The following KDM3A variants were observed in gnomAD, a reference collection of about 807,000 sequenced individuals.
The protein encoded by KDM3A is lysine demethylase 3A, also known as lysine-specific demethylase 3A.
In KDM3A, 60 loss-of-function variants were observed where a neutral mutation model predicts 158.0. The observed-to-expected ratio is 0.38, with a 90% CI of 0.31 to 0.47. The LOEUF (loss-of-function observed/expected upper bound fraction) is 0.47. Ranked by LOEUF, KDM3A falls within the 20% of genes least tolerant of loss-of-function variation. The pLI, the probability that KDM3A is intolerant of heterozygous loss-of-function variation, is 0.99. For synonymous variants in KDM3A, 608 were observed against 549.3 expected, an observed-to-expected ratio of 1.11 and a Z score of -1.49; for missense variants, 1,319 against 1,574.3, an observed-to-expected ratio of 0.84 and a Z score of 2.74.
intron 9 of KDM3A, among the ~76,000 whole-genome samples, chr2:86,465,504 C>T (rs1023724796): frequency 6.6e-6 from 1 of 152,044 alleles, no homozygotes; most frequent in Admixed American, 6.6e-5. Context: ...AACTCCTGGG[C>T]TCAATTGATC....
intron 25 of KDM3A, chr2:86,491,545 G>GA (rs2104720250): frequency 4.5e-6 from 2 of 440,658 alleles, no homozygotes; most frequent in Non-Finnish European, 4.1e-6. Flanking sequence ...GAATAGATGT[G>GA]ACTTCTGATC....
chr2:86,441,541 G>A (rs899833039), intron 1 of KDM3A, 97 bp downstream of exon 1: 14 of 151,228 alleles, frequency 9.3e-5, no homozygotes, highest in Admixed American at 9.2e-4. Context: ...GCGCAGGCCC[G>A]GGAGACGGGC....
chr2:86,470,472 T>TA, intron 11 of KDM3A, 64 bp downstream of exon 11: 1 of 1,329,154 alleles, frequency 7.5e-7, no homozygotes, highest in Non-Finnish European at 1.1e-6. Flanking sequence ...TCATCTGGCA[T>TA]ACTTTTGTTA....
chr2:86,491,430 TTAAG>T (rs1674451462), intron 25 of KDM3A, 155 bp downstream of exon 25: 2 of 680,514 alleles, frequency 2.9e-6, no homozygotes, highest in Middle Eastern at 4.2e-4. Context: ...TACTATCTAC[TTAAG>T]TGAGGGAGGA....
rs1244873402 is a variant in KDM3A, at chr2:86,466,917, G to A, written c.1519+34G>A. The A allele has an allele frequency of 2.1e-6, 3 of 1,461,610 alleles. No individual in the cohort carries two copies. In the African/African-American group the frequency reaches 4.2e-5, roughly 21 times the overall value. The allele number at this position is 1,461,610 out of a possible 1,614,324, so 90.5% of individuals were successfully genotyped here. A position where few individuals can be genotyped will look rare whatever the true frequency, so the allele number is the denominator to read the frequency against. ...TTCTCAATATCTTTATTGGTAGAAG[G>A]TAAGAAATGGTAGATATATATATCT... On this transcript the variant is annotated intron_variant, in intron 10 of 25. Transcript: ENST00000312912.
intron 2 of KDM3A, 129 bp from the exon 3 acceptor site, chr2:86,449,678 A>AAG: frequency 1.0e-6 from 1 of 1,003,546 alleles, no homozygotes; most frequent in Non-Finnish European, 1.4e-6. Context: ...AGGGAGCTGG[A>AAG]AGGGGGAAAG....
At chr2:86,470,573 T>G (rs1175745523) in intron 11 of KDM3A, among the ~76,000 whole-genome samples, 165 bp downstream of exon 11, 1 of 152,232 alleles carries the variant, frequency 6.6e-6, no homozygotes, top group East Asian at 1.9e-4. Flanking sequence ...TTATTGCATG[T>G]TACTTTTCAT....
rs1301760546 is a variant in KDM3A, at chr2:86,485,042, A to AGGT, written c.3182+16_3182+18dup. ...TGATGCCTTCCAGGTATGATTATGA[A>AGGT]GGTGGGGAGAGATGATTCTGTCCTT... On this transcript the variant is annotated intron_variant, in intron 20 of 25. Coordinates refer to ENST00000312912, the MANE Select transcript of KDM3A (RefSeq NM_018433.6). 1 of 1,405,570 alleles carries AGGT rather than the reference A, an allele frequency of 7.1e-7. No individual in the cohort carries two copies. The highest frequency in any genetic ancestry group is 2.3e-5 in the East Asian group (1 of 43,864). 87.1% of individuals were successfully genotyped at this position (1,405,570 alleles called of 1,614,324 possible).
Position 86,461,144 on chromosome 2 carries a change from G to A in KDM3A, c.844-2909G>A, listed in dbSNP as rs187903992. ...ATACTTCATGGGAAGAAAGTGCTAG[G>A]AAGTGTTAGAGACTGAATTTCAAAC... On this transcript the variant is annotated intron_variant, in intron 8 of 25. Coordinates refer to ENST00000312912, the MANE Select transcript of KDM3A (RefSeq NM_018433.6). Among the ~76,000 whole-genome samples, 934 of 152,254 alleles carry A rather than the reference G, an allele frequency of 6.1e-3. 5 individuals are homozygous for A. Among genetic ancestry groups the A allele is most frequent in the Middle Eastern group, 0.027 (8 of 294 alleles).
chr2:86,456,262 A>G (rs1305105160), intron 5 of KDM3A, among the ~76,000 whole-genome samples, 180 bp from the exon 6 acceptor site: 1 of 152,264 alleles, frequency 6.6e-6, no homozygotes, highest in East Asian at 1.9e-4. Context: ...CAAAATAAAA[A>G]GTTTAAATTT....
intron 2 of KDM3A, among the ~76,000 whole-genome samples, chr2:86,444,471 TA>T (rs946443414): frequency 6.6e-6 from 1 of 151,868 alleles, no homozygotes; most frequent in Non-Finnish European, 1.5e-5. Flanking sequence ...CATGTTGCAT[TA>T]AAAAAAACCA....
chr2:86,458,020 T>C (rs1165860812), intron 8 of KDM3A, among the ~76,000 whole-genome samples: 1 of 152,176 alleles, frequency 6.6e-6, no homozygotes, highest in Non-Finnish European at 1.5e-5. Context: ...ATGGATAGTT[T>C]CCTGTGTTAT....
intron 8 of KDM3A, 76 bp from the exon 9 acceptor site, chr2:86,463,977 T>C: frequency 2.7e-6 from 3 of 1,096,824 alleles, no homozygotes; most frequent in Admixed American, 5.2e-5. Context: ...AAGCAAATGA[T>C]CTTAAATTTG....
At chr2:86,489,241 T>C in intron 21 of KDM3A, 77 bp from the exon 22 acceptor site, 7 of 1,454,710 alleles carry the variant, frequency 4.8e-6, no homozygotes, top group Non-Finnish European at 6.6e-6. Context: ...GGACCTACCA[T>C]CCCCCAGGTA....
In KDM3A at chr2:86,478,056, G is replaced by A. The variant is rs777292962; in HGVS notation, c.2092+27G>A. 7 of 1,613,924 alleles carry A rather than the reference G, an allele frequency of 4.3e-6. No individual in the cohort carries two copies. In the East Asian group the frequency reaches 1.6e-4, roughly 36 times the overall value. On this transcript the variant is annotated intron_variant, in intron 13 of 25. Coordinates refer to ENST00000312912, the MANE Select transcript of KDM3A (RefSeq NM_018433.6). Reference sequence around the variant, plus strand: ...TGAGAACCGATTTGATTCTCCTCCAGCCCCTCTACACAGTTAAATCAAGTG... The same window carrying A: ...TGAGAACCGATTTGATTCTCCTCCAACCCCTCTACACAGTTAAATCAAGTG...
Position 86,451,031 on chromosome 2 carries a change from A to G in KDM3A, c.343-72A>G, listed in dbSNP as rs1672437948. ...CTTTATCACTTTCTCTGTGTGTGGA[A>G]AATTGCCAGTTCCTATTTTCAGAAT... is the stretch of plus-strand genomic sequence containing the variant. On this transcript the variant is annotated intron_variant, in intron 3 of 25. Coordinates refer to ENST00000312912, the MANE Select transcript of KDM3A (RefSeq NM_018433.6). 10 of 991,642 alleles carry G rather than the reference A, an allele frequency of 1.0e-5. No homozygotes were observed. In the South Asian group the frequency reaches 1.3e-4, roughly 13 times the overall value. The allele number at this position is 991,642 out of a possible 1,614,324, so 61.4% of individuals were successfully genotyped here.
At chr2:86,442,689 A>G (rs1245395820) in intron 2 of KDM3A, 1 of 155,724 alleles carries the variant, frequency 6.4e-6, no homozygotes, top group East Asian at 1.9e-4. Context: ...CTTGTTAAAA[A>G]TGAAGTGAGT....
chr2:86,474,706 T>TGG, intron 11 of KDM3A, 70 bp from the exon 12 acceptor site: 1 of 616,340 alleles, frequency 1.6e-6, no homozygotes, highest in Non-Finnish European at 2.9e-6. Context: ...ATAAGTTGTG[T>TGG]GTGTGTGTGT....
rs371865986 is a variant in KDM3A at position 86,466,750 on chromosome 2, T to G, written c.1386T>G (p.Asp462Glu). 6.2e-6 allele frequency: 10 copies of G among 1,613,780 alleles called. No homozygotes were observed. In the African/African-American group the frequency reaches 1.3e-4, roughly 22 times the overall value. The part of the protein sequence containing the change: ...APEVKAGVNS[D>E]SPNNCSGKKV... ...AAGTGAAAGCAGGTGTCAATAGTGA[T>G]AGCCCTAATAACTGTTCAGGAAAAA... The change falls in exon 10 of 26, where the codon GAT (aspartate) becomes GAG (glutamate). Residue 462 changes from aspartate to glutamate, a missense_variant. By Grantham distance (45) the Asp-to-Glu change is conservative (BLOSUM62 2). Transcript: ENST00000312912.
Sources: allele counts gnomAD v4.1 joint callset (sites outside exome capture counted in the v4.1 genomes callset), GRCh38; gene constraint gnomAD v4.1.1; transcripts MANE v1.5; gene names NCBI Gene and HGNC (gene_info 2026-07-23, HGNC 2026-07-21).